SGCZ: variants seen among roughly 807,000 people sequenced by gnomAD.
The protein encoded by SGCZ is sarcoglycan zeta, also known as zeta-sarcoglycan.
Under a neutral mutation model 41.3 loss-of-function variants are expected in SGCZ, and 40 were observed. The ratio of observed to expected loss-of-function variants is 0.97; its 90% CI spans 0.75 to 1.26. The LOEUF is 1.26. Ranked by LOEUF, SGCZ falls within the 50% of genes most tolerant of loss-of-function variation. The probability of loss-of-function intolerance (pLI) is 0.00; values close to 1 mark genes in which losing one functional copy is unlikely to be tolerated. For missense variants in SGCZ, 552 were observed against 369.8 expected, an observed-to-expected ratio of 1.49 and a Z score of -4.04; for synonymous variants, 206 against 137.5, an observed-to-expected ratio of 1.50 and a Z score of -3.49.
intron 1 of SGCZ, among the ~76,000 whole-genome samples, chr8:14,577,266 C>T (rs138216789): frequency 1.3e-5 from 2 of 151,710 alleles, no homozygotes; most frequent in Non-Finnish European, 2.9e-5. Context: ...TTTTTCTGCT[C>T]GAATACAAGT....
At chr8:15,013,968 C>T (rs748767530) in intron 1 of SGCZ, among the ~76,000 whole-genome samples, 4 of 152,012 alleles carry the variant, frequency 2.6e-5, no homozygotes, top group Non-Finnish European at 4.4e-5. Flanking sequence ...ATGGGATAAA[C>T]GGAAGAAAAA....
chr8:14,522,296 T>C (rs961207896), intron 2 of SGCZ, among the ~76,000 whole-genome samples: 2 of 152,076 alleles, frequency 1.3e-5, no homozygotes, highest in African/African-American at 4.8e-5. Flanking sequence ...TTCTATTTTC[T>C]GGAAGTGATT....
intron 3 of SGCZ, among the ~76,000 whole-genome samples, chr8:14,250,036 T>G (rs561055130): frequency 6.6e-6 from 1 of 152,336 alleles, no homozygotes; most frequent in East Asian, 1.9e-4. Context: ...CATCTGAAGA[T>G]ATTTCTAAAT....
intron 3 of SGCZ, among the ~76,000 whole-genome samples, chr8:14,242,108 CAG>C (rs778547842): frequency 2.0e-5 from 3 of 152,066 alleles, no homozygotes; most frequent in Admixed American, 6.6e-5. Context: ...ATCATACAAA[CAG>C]AGAATATTAA....
intron 4 of SGCZ, among the ~76,000 whole-genome samples, chr8:14,165,919 C>A (rs901268729): frequency 4.6e-5 from 7 of 152,132 alleles, no homozygotes; most frequent in Non-Finnish European, 7.3e-5. Flanking sequence ...CCCACCTCAG[C>A]ACTACTCCCA....
chr8:14,513,138 G>T (rs902987715), intron 2 of SGCZ, among the ~76,000 whole-genome samples: 1 of 151,952 alleles, frequency 6.6e-6, no homozygotes, highest in Non-Finnish European at 1.5e-5. Flanking sequence ...GACCTCCCAG[G>T]CTCAAGCAAT....
At chr8:14,898,988 T>C (rs1403788826) in intron 1 of SGCZ, among the ~76,000 whole-genome samples, 1 of 152,204 alleles carries the variant, frequency 6.6e-6, no homozygotes, top group Non-Finnish European at 1.5e-5. Context: ...TTTTTAAAAG[T>C]TTCCAAGATG....
intron 5 of SGCZ, among the ~76,000 whole-genome samples, chr8:14,118,435 A>C (rs1279828958): frequency 6.6e-6 from 1 of 151,646 alleles, no homozygotes; most frequent in Non-Finnish European, 1.5e-5. Context: ...TTGTAAATTT[A>C]AGTTCTTTGT....
At chr8:14,803,496 C>T (rs1000214369) in intron 1 of SGCZ, among the ~76,000 whole-genome samples, 1 of 152,136 alleles carries the variant, frequency 6.6e-6, no homozygotes, top group Non-Finnish European at 1.5e-5. Flanking sequence ...GGGTCACTCC[C>T]ACCCGAATAC....
chr8:14,248,818 C>T (rs1431542512), intron 3 of SGCZ, among the ~76,000 whole-genome samples: 1 of 151,506 alleles, frequency 6.6e-6, no homozygotes, highest in Non-Finnish European at 1.5e-5. Flanking sequence ...AACATTAGGG[C>T]CACATATTTA....
At chr8:14,242,941 G>T (rs1174539777) in intron 3 of SGCZ, among the ~76,000 whole-genome samples, 1 of 152,120 alleles carries the variant, frequency 6.6e-6, no homozygotes, top group Non-Finnish European at 1.5e-5. Flanking sequence ...GTCTCTAAAA[G>T]AAACATCTTA....
chr8:14,412,653 C>T (rs569404587), intron 2 of SGCZ, among the ~76,000 whole-genome samples: 2 of 151,974 alleles, frequency 1.3e-5, no homozygotes, highest in South Asian at 2.1e-4. Flanking sequence ...TTTTCTTGTG[C>T]TATTCATTTC....
At chr8:14,860,789 A>T (rs1040730347) in intron 1 of SGCZ, among the ~76,000 whole-genome samples, 1 of 152,138 alleles carries the variant, frequency 6.6e-6, no homozygotes, top group Admixed American at 6.6e-5. Context: ...CTCTACCAAG[A>T]ACAGCTTCAT....
chr8:15,157,612 C>A (rs1457754800), intron 1 of SGCZ, among the ~76,000 whole-genome samples: 8 of 152,150 alleles, frequency 5.3e-5, no homozygotes, highest in African/African-American at 1.9e-4. Flanking sequence ...TGTCCTGGTT[C>A]TACTAGGCTT....
At chr8:14,405,044 T>C (rs997584824) in intron 2 of SGCZ, among the ~76,000 whole-genome samples, 2 of 152,202 alleles carry the variant, frequency 1.3e-5, no homozygotes. Context: ...AGCTGTCGTC[T>C]TCCTCCATGT....
intron 2 of SGCZ, among the ~76,000 whole-genome samples, chr8:14,433,519 C>A (rs1800004324): frequency 6.6e-6 from 1 of 152,102 alleles, no homozygotes; most frequent in South Asian, 2.1e-4. Context: ...ACTTTAACAA[C>A]AGGTAGAAAT....
chr8:14,591,108 T>G (rs183153112), intron 1 of SGCZ, among the ~76,000 whole-genome samples: 200 of 151,798 alleles, frequency 1.3e-3, no homozygotes, highest in African/African-American at 4.7e-3. Flanking sequence ...AGTCATCTAA[T>G]AAATCTTATT....
intron 4 of SGCZ, among the ~76,000 whole-genome samples, chr8:14,173,256 A>T (rs188506000): frequency 3.3e-5 from 5 of 152,202 alleles, no homozygotes; most frequent in Admixed American, 3.3e-4. Context: ...ACTAACCAGG[A>T]GAAAAATCAG....
chr8:14,681,717 T>C (rs1352975239), intron 1 of SGCZ, among the ~76,000 whole-genome samples: 1 of 152,188 alleles, frequency 6.6e-6, no homozygotes, highest in Non-Finnish European at 1.5e-5. Flanking sequence ...ATTAATTCTA[T>C]AATTTAGCAG....
Sources: gnomAD v4.1 joint callset for allele counts (sites outside exome capture counted in the v4.1 genomes callset) on GRCh38, gnomAD v4.1.1 for gene constraint, MANE v1.5 for transcripts, NCBI Gene and HGNC (gene_info 2026-07-23, HGNC 2026-07-21) for gene names.